The following RAD23B variants were observed in gnomAD, a reference collection of about 807,000 sequenced individuals.
RAD23B encodes the protein RAD23 nucleotide excision repair protein B.
In RAD23B, 5 loss-of-function variants were observed where a neutral mutation model predicts 49.1. The observed-to-expected ratio is 0.10, with a 90% CI of 0.05 to 0.21. RAD23B has a LOEUF of 0.21. RAD23B is among the 10% of genes least tolerant of loss of function. The pLI, the probability that RAD23B is intolerant of heterozygous loss-of-function variation, is 1.00. For synonymous variants in RAD23B, 184 were observed against 165.4 expected (o/e 1.11, Z -0.86); for missense variants, 356 against 486.7 (o/e 0.73, Z 2.53).
intron 6 of RAD23B, 148 bp from the exon 7 acceptor site, chr9:107,321,835 A>T: frequency 1.1e-6 from 1 of 927,320 alleles, no homozygotes; most frequent in Non-Finnish European, 1.5e-6. Context: ...CATGCAGCTT[A>T]ATAATCCTTT....
chr9:107,293,929 C>T (rs1035346034), intron 1 of RAD23B, among the ~76,000 whole-genome samples: 3 of 152,124 alleles, frequency 2.0e-5, no homozygotes, highest in Non-Finnish European at 4.4e-5. Context: ...GGACTACAAG[C>T]GGGCACCACA....
intron 8 of RAD23B, 116 bp from the exon 9 acceptor site, chr9:107,324,718 C>T (rs1827170999): frequency 3.7e-6 from 4 of 1,066,754 alleles, no homozygotes; most frequent in Non-Finnish European, 5.2e-6. Context: ...TCCAGAATCA[C>T]TAAATTACGT....
chr9:107,299,198 C>T (rs1371272612), intron 1 of RAD23B, among the ~76,000 whole-genome samples: 1 of 152,102 alleles, frequency 6.6e-6, no homozygotes, highest in Admixed American at 6.5e-5. Context: ...TTTAATTGTA[C>T]AAAAGAAACC....
At position 107,319,097 on chromosome 9, in the gene RAD23B, G is replaced by A. The variant is rs550205794; in HGVS notation, c.681+218G>A. ...AGTAGCTTTTTAGGTGCCACTATGC[G>A]TGAATTATTCAGAACAAAAATTTCT... On this transcript the variant is annotated intron_variant, in intron 6 of 9. Coordinates refer to ENST00000358015, the MANE Select transcript of RAD23B (RefSeq NM_002874.5). Among the ~76,000 whole-genome samples the A allele has an allele frequency of 1.2e-4, 17 of 147,108 alleles. No individual in the cohort carries two copies. The South Asian group carries it at 3.2e-3, about 28-fold the overall frequency.
rs560630680 is a variant in RAD23B, at chr9:107,312,601, G to A, written c.553+864G>A. ...AAATTATCTAAGATCGCCTGGGTGT[G>A]ACAACCCCAGATTTTCATCTTTGAG... On this transcript the variant is annotated intron_variant, in intron 5 of 9. Coordinates refer to ENST00000358015, the MANE Select transcript of RAD23B (RefSeq NM_002874.5). Among the ~76,000 whole-genome samples, 15 of 152,194 alleles carry A rather than the reference G, an allele frequency of 9.9e-5. 1 individual carries two copies. The highest frequency in any genetic ancestry group is 3.6e-4 in the African/African-American group (15 of 41,528).
intron 1 of RAD23B, among the ~76,000 whole-genome samples, chr9:107,299,876 A>G (rs1244467454): frequency 1.3e-5 from 2 of 152,194 alleles, no homozygotes; most frequent in Non-Finnish European, 2.9e-5. Flanking sequence ...TGATGTTGAA[A>G]ACTTTATTTT....
chr9:107,324,524 A>AG (rs762911214), intron 8 of RAD23B, among the ~76,000 whole-genome samples: 12 of 152,272 alleles, frequency 7.9e-5, no homozygotes, highest in Non-Finnish European at 1.6e-4. Flanking sequence ...AGTATTAAGA[A>AG]TAAGTTCTAT....
chr9:107,284,576 G>T, intron 1 of RAD23B: 1 of 229,518 alleles, frequency 4.4e-6, no homozygotes, highest in African/African-American at 2.3e-5. Context: ...ACATTTTTCT[G>T]TATTTGTGAC....
Position 107,283,502 on chromosome 9 carries a change from C to A in RAD23B, c.-128C>A. 1 of 613,142 alleles carries A rather than the reference C, an allele frequency of 1.6e-6. No homozygotes were observed. Among genetic ancestry groups the A allele is most frequent in the Non-Finnish European group, 2.6e-6 (1 of 390,640 alleles). 38.0% of individuals were successfully genotyped at this position (613,142 alleles called of 1,614,324 possible). A position where few individuals can be genotyped will look rare whatever the true frequency, so the allele number is the denominator to read the frequency against. On this transcript the variant is annotated 5_prime_UTR_variant, in exon 1 of 10. Coordinates refer to ENST00000358015, the MANE Select transcript of RAD23B (RefSeq NM_002874.5). ...TCCGCTGGGCGAATGTGACAAGCCC[C>A]CACCCCCACCGCCTTCCTCCCCAGA... is the stretch of plus-strand genomic sequence containing the variant.
At chr9:107,284,911 A>G (rs1305265761) in intron 1 of RAD23B, 4 of 1,294,700 alleles carry the variant, frequency 3.1e-6, no homozygotes, top group Non-Finnish European at 3.1e-6. Flanking sequence ...TGAAGATTAG[A>G]TGGTATGTAT....
At chr9:107,303,111 G>A (rs1480682125) in intron 3 of RAD23B, among the ~76,000 whole-genome samples, 2 of 152,134 alleles carry the variant, frequency 1.3e-5, no homozygotes, top group Non-Finnish European at 2.9e-5. Context: ...ATAATGCAGT[G>A]TAGAATTAAG....
At chr9:107,305,863 G>A (rs1483073772) in intron 3 of RAD23B, among the ~76,000 whole-genome samples, 3 of 151,598 alleles carry the variant, frequency 2.0e-5, no homozygotes, top group South Asian at 2.1e-4. Context: ...TAATCCTAGC[G>A]CTTTGGGAGC....
chr9:107,331,546 A>T lies in RAD23B; in HGVS notation c.*1890A>T. ...TCATGCATAATTTCTCAGGAGAATAAAATGAGAATTCATATATACGTTCAT... is the reference window on the plus strand; with the variant it reads ...TCATGCATAATTTCTCAGGAGAATATAATGAGAATTCATATATACGTTCAT... On this transcript the variant is annotated 3_prime_UTR_variant, in exon 10 of 10. Transcript: ENST00000358015. 1.6e-6 allele frequency: 1 copy of T among 626,928 alleles called. No individual in the cohort carries two copies. Among genetic ancestry groups the T allele is most frequent in the Non-Finnish European group, 2.9e-6 (1 of 349,614 alleles). 38.8% of individuals were successfully genotyped at this position (626,928 alleles called of 1,614,324 possible).
At position 107,283,799 on chromosome 9, in the gene RAD23B, G is replaced by A. The variant is rs1587842745; in HGVS notation, c.66+104G>A. 7 of 1,086,214 alleles carry A rather than the reference G, an allele frequency of 6.4e-6. No homozygotes were observed. In the East Asian group the frequency reaches 1.1e-4, roughly 17 times the overall value. 67.3% of individuals were successfully genotyped at this position (1,086,214 alleles called of 1,614,324 possible). ...CGCTCCAGCGGGGGAAGCCCCGGAGGGCGCGATGAGGGCCCTGGGTCCTGG... is the reference window on the plus strand; with the variant it reads ...CGCTCCAGCGGGGGAAGCCCCGGAGAGCGCGATGAGGGCCCTGGGTCCTGG... On this transcript the variant is annotated intron_variant, in intron 1 of 9. Transcript: ENST00000358015.
chr9:107,289,359 T>G (rs1344159288), intron 1 of RAD23B, among the ~76,000 whole-genome samples: 3 of 151,854 alleles, frequency 2.0e-5, no homozygotes, highest in South Asian at 4.2e-4. Flanking sequence ...TAATTTTAGT[T>G]TTTTTTTGTA....
chr9:107,323,170 C>T (rs1237888341), intron 7 of RAD23B, among the ~76,000 whole-genome samples: 2 of 152,016 alleles, frequency 1.3e-5, no homozygotes, highest in Non-Finnish European at 2.9e-5. Flanking sequence ...CCTGAAAAAG[C>T]CAGAAGTTCT....
At chr9:107,291,194 A>G (rs1833377605) in intron 1 of RAD23B, among the ~76,000 whole-genome samples, 1 of 152,216 alleles carries the variant, frequency 6.6e-6, no homozygotes, top group African/African-American at 2.4e-5. Context: ...TGGTTGAATT[A>G]GGTAGGCACC....
chr9:107,297,284 A>T (rs1826547095), intron 1 of RAD23B, among the ~76,000 whole-genome samples: 1 of 151,910 alleles, frequency 6.6e-6, no homozygotes, highest in South Asian at 2.1e-4. Flanking sequence ...CTTTAGCCAA[A>T]TCATATAGGT....
intron 4 of RAD23B, among the ~76,000 whole-genome samples, chr9:107,309,472 T>TTA (rs1196096301): frequency 2.6e-5 from 4 of 152,148 alleles, no homozygotes; most frequent in African/African-American, 7.2e-5. Flanking sequence ...GGTATGCATG[T>TTA]TAATGTGTAG....
Sources: gnomAD v4.1 joint callset for allele counts (sites outside exome capture counted in the v4.1 genomes callset) on GRCh38, gnomAD v4.1.1 for gene constraint, MANE v1.5 for transcripts, NCBI Gene and HGNC (gene_info 2026-07-23, HGNC 2026-07-21) for gene names.